BABAM2: variants seen among roughly 807,000 people sequenced by gnomAD.
The protein encoded by BABAM2 is BRISC and BRCA1-A complex member 2.
In BABAM2, 31 loss-of-function variants were observed where a neutral mutation model predicts 54.7. That is an observed-to-expected ratio of 0.57 (90% CI 0.43 to 0.77). The LOEUF is 0.77. BABAM2 is among the 30% of genes least tolerant of loss of function. The pLI, the probability that BABAM2 is intolerant of heterozygous loss-of-function variation, is 0.00. For synonymous variants in BABAM2, 167 were observed against 162.9 expected (o/e 1.03, Z -0.19); for missense variants, 364 against 455.8 (o/e 0.80, Z 1.83).
chr2:28,109,424 G>A (rs763194771), intron 6 of BABAM2, among the ~76,000 whole-genome samples: 15 of 151,928 alleles, frequency 9.9e-5, no homozygotes, highest in Admixed American at 2.0e-4. Context: ...TCTTGACCTC[G>A]TGATCTGCCC....
chr2:28,098,477 A>G (rs538136893), intron 6 of BABAM2, among the ~76,000 whole-genome samples: 1 of 152,224 alleles, frequency 6.6e-6, no homozygotes, highest in Admixed American at 6.5e-5. Flanking sequence ...TTATAACTTG[A>G]TGATATAGAG....
chr2:28,013,232 C>T (rs1674524654), intron 4 of BABAM2: 13 of 379,466 alleles, frequency 3.4e-5, no homozygotes, highest in Admixed American at 2.7e-4. Flanking sequence ...TGAAGTATGC[C>T]ACCTCCAAAG....
At chr2:28,127,035 A>G (rs1044437120) in intron 6 of BABAM2, among the ~76,000 whole-genome samples, 1 of 151,922 alleles carries the variant, frequency 6.6e-6, no homozygotes, top group African/African-American at 2.4e-5. Context: ...GATTCTGGAT[A>G]TTAGCCCTTT....
chr2:28,046,396 G>A (rs1170927121), intron 6 of BABAM2, among the ~76,000 whole-genome samples: 1 of 152,098 alleles, frequency 6.6e-6, no homozygotes, highest in East Asian at 1.9e-4. Context: ...GGTGGCAGAG[G>A]TTGCAGTGAC....
At chr2:27,933,610 A>T (rs1339794652) in intron 3 of BABAM2, among the ~76,000 whole-genome samples, 1 of 151,992 alleles carries the variant, frequency 6.6e-6, no homozygotes, top group Non-Finnish European at 1.5e-5. Context: ...TTGGAACTAC[A>T]GGTGCCCACC....
intron 7 of BABAM2, among the ~76,000 whole-genome samples, chr2:28,207,258 CT>C (rs1370211573): frequency 2.6e-5 from 4 of 151,842 alleles, no homozygotes; most frequent in African/African-American, 9.7e-5. Flanking sequence ...AATCCCAGCA[CT>C]TTGGGAGGCC....
chr2:28,037,844 G>GAGTGA (rs1676776071), intron 5 of BABAM2, among the ~76,000 whole-genome samples: 1 of 152,204 alleles, frequency 6.6e-6, no homozygotes, highest in African/African-American at 2.4e-5. Context: ...AAACACTAGA[G>GAGTGA]AGTGATCAAA....
chr2:28,275,408 C>G (rs1429777512), intron 10 of BABAM2, among the ~76,000 whole-genome samples: 5 of 152,202 alleles, frequency 3.3e-5, no homozygotes, highest in Non-Finnish European at 7.3e-5. Flanking sequence ...AAGCCTCATG[C>G]AGGTCACCTG....
At chr2:27,989,400 G>A (rs1475165191) in intron 4 of BABAM2, among the ~76,000 whole-genome samples, 6 of 152,164 alleles carry the variant, frequency 3.9e-5, no homozygotes, top group African/African-American at 1.2e-4. Flanking sequence ...TGGGAGGTAT[G>A]ACAAAGAGTA....
chr2:27,918,482 G>GTA lies in BABAM2; in HGVS notation c.129-11339_129-11338dup, dbSNP rs1012989893. ...TGTGTGTGTGTATATGTATAGTATTGTATATATATATAATGTATAGTACTA... is the reference window on the plus strand; with the variant it reads ...TGTGTGTGTGTATATGTATAGTATTGTATATATATATATAATGTATAGTACTA... On this transcript the variant is annotated intron_variant, in intron 2 of 11. Transcript: ENST00000379624. Among the ~76,000 whole-genome samples, 14 of 151,546 alleles carry GTA rather than the reference G, an allele frequency of 9.2e-5. No individual in the cohort carries two copies. The South Asian group carries it at 1.7e-3, about 18-fold the overall frequency.
At chr2:28,076,886 T>C (rs917758229) in intron 6 of BABAM2, among the ~76,000 whole-genome samples, 5 of 152,214 alleles carry the variant, frequency 3.3e-5, no homozygotes, top group Non-Finnish European at 7.3e-5. Flanking sequence ...CCATGCACTC[T>C]TTAAGGACAG....
intron 6 of BABAM2, among the ~76,000 whole-genome samples, chr2:28,067,311 A>G (rs1663694116): frequency 6.6e-6 from 1 of 152,256 alleles, no homozygotes; most frequent in Non-Finnish European, 1.5e-5. Context: ...ACTCAGATCT[A>G]TAATAATAGC....
chr2:28,218,426 C>T (rs1026469700), intron 7 of BABAM2, among the ~76,000 whole-genome samples: 4 of 152,100 alleles, frequency 2.6e-5, no homozygotes, highest in African/African-American at 7.2e-5. Flanking sequence ...TTTTTAAATC[C>T]GGAACAGTTT....
chr2:28,192,160 G>A (rs980061012), intron 7 of BABAM2, among the ~76,000 whole-genome samples: 7 of 152,094 alleles, frequency 4.6e-5, no homozygotes, highest in South Asian at 2.1e-4. Context: ...TCAGCCTCCC[G>A]AGTAGCTGGG....
intron 3 of BABAM2, among the ~76,000 whole-genome samples, chr2:27,980,144 T>G (rs571979526): frequency 6.6e-6 from 1 of 152,206 alleles, no homozygotes; most frequent in South Asian, 2.1e-4. Context: ...TCTTATTTTG[T>G]TGTTAGGTGG....
At chr2:28,333,046 C>A (rs1210625239) in intron 11 of BABAM2, among the ~76,000 whole-genome samples, 2 of 152,096 alleles carry the variant, frequency 1.3e-5, no homozygotes, top group East Asian at 1.9e-4. Flanking sequence ...CACACGCGTT[C>A]TTCTGGCTGT....
chr2:28,119,356 T>C (rs2148746628), intron 6 of BABAM2, among the ~76,000 whole-genome samples: 1 of 152,336 alleles, frequency 6.6e-6, no homozygotes, highest in Middle Eastern at 3.4e-3. Context: ...TTGCTTCCAG[T>C]GAGGACCCTG....
chr2:28,009,210 C>T (rs1674208746), intron 4 of BABAM2, among the ~76,000 whole-genome samples: 1 of 152,084 alleles, frequency 6.6e-6, no homozygotes, highest in South Asian at 2.1e-4. Flanking sequence ...GAGCAGGTCT[C>T]ACCCCAGGCA....
intron 6 of BABAM2, among the ~76,000 whole-genome samples, chr2:28,051,467 G>C (rs1677990096): frequency 6.6e-6 from 1 of 152,212 alleles, no homozygotes; most frequent in Non-Finnish European, 1.5e-5. Context: ...TTGGCAGCTA[G>C]AATGAGAGAG....
Sources: gnomAD v4.1 joint callset for allele counts (sites outside exome capture counted in the v4.1 genomes callset) on GRCh38, gnomAD v4.1.1 for gene constraint, MANE v1.5 for transcripts, NCBI Gene and HGNC (gene_info 2026-07-23, HGNC 2026-07-21) for gene names.